The following CFAP20DC variants were observed in gnomAD, a reference collection of about 807,000 sequenced individuals.
CFAP20DC encodes the protein CFAP20 domain containing, also known as protein CFAP20DC.
In CFAP20DC, 84 loss-of-function variants were observed where a neutral mutation model predicts 101.7. That is an observed-to-expected ratio of 0.83 (90% CI 0.69 to 0.99). The LOEUF (loss-of-function observed/expected upper bound fraction) is 0.99. Among genes scored for constraint, CFAP20DC ranks in the 50% least tolerant of loss-of-function variants. The pLI, the probability that CFAP20DC is intolerant of heterozygous loss-of-function variation, is 0.00. For missense variants in CFAP20DC, 1,007 were observed against 970.3 expected, an observed-to-expected ratio of 1.04 and a Z score of -0.50; for synonymous variants, 359 against 351.2, an observed-to-expected ratio of 1.02 and a Z score of -0.25.
At chr3:58,817,018 C>A (rs542708124) in intron 14 of CFAP20DC, among the ~76,000 whole-genome samples, 1 of 152,282 alleles carries the variant, frequency 6.6e-6, no homozygotes, top group Admixed American at 6.5e-5. Context: ...AGGCACCCCC[C>A]AGCAGCAGCA....
intron 13 of CFAP20DC, among the ~76,000 whole-genome samples, chr3:58,841,220 G>C (rs1431624960): frequency 6.6e-6 from 1 of 152,198 alleles, no homozygotes; most frequent in Admixed American, 6.5e-5. Flanking sequence ...ATAATGCAAT[G>C]TTGTTGTAGC....
In CFAP20DC at chr3:58,863,220, A is replaced by G; in HGVS notation, c.1593+338T>C. The G allele has an allele frequency of 1.6e-6, 2 of 1,280,788 alleles. No homozygotes were observed. The highest frequency in any genetic ancestry group is 9.8e-7 in the Non-Finnish European group (1 of 1,017,386). 79.3% of individuals were successfully genotyped at this position (1,280,788 alleles called of 1,614,324 possible). ...CACAATTTCTCCAGAGATCTAGAAC[A>G]GTATATTCTCAGTGTTTTACTGGTC... On this transcript the variant is annotated intron_variant, in intron 12 of 16. Transcript: ENST00000482387. This position sits in a 1 kb window ranked among gnomAD's most constrained non-coding sequence, Gnocchi z 5.9.
At chr3:58,764,970 A>G (rs780655433) in intron 15 of CFAP20DC, among the ~76,000 whole-genome samples, 8 of 152,334 alleles carry the variant, frequency 5.3e-5, no homozygotes, top group South Asian at 2.1e-4. Context: ...AAAAATATTG[A>G]ACAGATGAAG....
At chr3:58,727,404 CA>C (rs1483562452) in intron 3 of CFAP20DC, 1 of 152,274 alleles carries the variant, frequency 6.6e-6, no homozygotes, top group Non-Finnish European at 1.5e-5. Context: ...TAATTCTGAT[CA>C]GCTTCATGTG....
At position 58,832,375 on chromosome 3, in the gene CFAP20DC, T is replaced by C. The variant is rs1164137231; in HGVS notation, c.1972-486A>G. ...TCTACAACGGCAAGCACCATGACTG[T>C]TTTGCTCTCACTGCCTTTCCTAGGT... On this transcript the variant is annotated intron_variant, in intron 13 of 16. Coordinates refer to ENST00000482387, the MANE Select transcript of CFAP20DC (RefSeq NM_001394063.1). 2.6e-5 allele frequency among the ~76,000 whole-genome samples: 4 copies of C among 152,188 alleles called. 1 individual carries two copies. Among genetic ancestry groups the C allele is most frequent in the Admixed American group, 2.0e-4 (3 of 15,272 alleles).
At chr3:58,930,810 C>G (rs2086541622) in intron 5 of CFAP20DC, among the ~76,000 whole-genome samples, 1 of 152,162 alleles carries the variant, frequency 6.6e-6, no homozygotes, top group African/African-American at 2.4e-5. Flanking sequence ...CGAATAGGAA[C>G]AGCTCCGGTC....
intron 4 of CFAP20DC, among the ~76,000 whole-genome samples, chr3:58,951,045 A>C (rs1183901759): frequency 6.6e-6 from 1 of 152,214 alleles, no homozygotes; most frequent in African/African-American, 2.4e-5. Context: ...ATCTACAATG[A>C]ACTCAAACAA....
At chr3:59,019,402 C>T (rs1265484270) in intron 4 of CFAP20DC, among the ~76,000 whole-genome samples, 1 of 151,832 alleles carries the variant, frequency 6.6e-6, no homozygotes, top group African/African-American at 2.4e-5. Flanking sequence ...CCCAAACATC[C>T]TCCCAAGTGA....
intron 5 of CFAP20DC, among the ~76,000 whole-genome samples, chr3:58,932,003 G>A (rs183446945): frequency 1.4e-3 from 207 of 152,236 alleles, no homozygotes; most frequent in African/African-American, 4.7e-3. Flanking sequence ...CAAACCAAAG[G>A]CAAAGAAGTT....
At chr3:58,755,643 G>C (rs1353066882) in intron 15 of CFAP20DC, among the ~76,000 whole-genome samples, 1 of 152,114 alleles carries the variant, frequency 6.6e-6, no homozygotes, top group Non-Finnish European at 1.5e-5. Context: ...TTCCTTTTCA[G>C]CACTAGCTAT....
chr3:58,927,541 A>G (rs557625528), intron 5 of CFAP20DC, among the ~76,000 whole-genome samples: 1 of 152,360 alleles, frequency 6.6e-6, no homozygotes, highest in African/African-American at 2.4e-5. Flanking sequence ...TGTGTGAGAT[A>G]AGGCAGGTTC....
At chr3:58,805,356 C>T (rs2073981174) in intron 15 of CFAP20DC, among the ~76,000 whole-genome samples, 1 of 152,174 alleles carries the variant, frequency 6.6e-6, no homozygotes, top group Admixed American at 6.5e-5. Flanking sequence ...CTTTCTAGTT[C>T]CTAGTTTCAG....
chr3:59,022,010 C>CT (rs929959166), intron 4 of CFAP20DC, among the ~76,000 whole-genome samples: 1 of 151,946 alleles, frequency 6.6e-6, no homozygotes. Flanking sequence ...CTTGCTAATC[C>CT]TGACCCAAGC....
rs570816848 is a variant in CFAP20DC at position 58,981,254 on chromosome 3, T to C, written c.279-43492A>G. The stretch of plus-strand genomic sequence containing the variant: ...ATTCCATGCTCATGGGTAGGAAGAA[T>C]CAATATCGTGAAAATGGCCATACTG... On this transcript the variant is annotated intron_variant, in intron 4 of 16. Coordinates refer to ENST00000482387, the MANE Select transcript of CFAP20DC (RefSeq NM_001394063.1). Among the ~76,000 whole-genome samples, 6 of 152,236 alleles carry C rather than the reference T, an allele frequency of 3.9e-5. No homozygotes were observed. In the East Asian group the frequency reaches 7.7e-4, roughly 20 times the overall value.
intron 15 of CFAP20DC, among the ~76,000 whole-genome samples, chr3:58,765,490 C>CAAAAAAAAAAAAA (rs1337049385): frequency 7.3e-5 from 6 of 81,828 alleles, no homozygotes; most frequent in Non-Finnish European, 1.0e-4. Context: ...AAAAAAAAAC[C>CAAAAAAAAAAAAA]AAAAAAAAAA....
chr3:59,001,180 T>C lies in CFAP20DC; in HGVS notation c.278+38377A>G, dbSNP rs1179856186. Reference sequence around the variant, plus strand: ...AAGAGACCTAAGAGATTTAAATCAATGGTAAAATAACACACATTGTAAATT... The same window carrying C: ...AAGAGACCTAAGAGATTTAAATCAACGGTAAAATAACACACATTGTAAATT... On this transcript the variant is annotated intron_variant, in intron 4 of 16. Coordinates refer to ENST00000482387, the MANE Select transcript of CFAP20DC (RefSeq NM_001394063.1). The surrounding 1 kb of genome is among the most constrained non-coding windows in gnomAD (Gnocchi z 4.5). 1.3e-5 allele frequency among the ~76,000 whole-genome samples: 2 copies of C among 152,172 alleles called. No individual in the cohort carries two copies. Among genetic ancestry groups the C allele is most frequent in the Admixed American group, 6.5e-5 (1 of 15,278 alleles).
In CFAP20DC at chr3:58,859,438, C is replaced by G. The variant is rs1300435666; in HGVS notation, c.1593+4120G>C. Among the ~76,000 whole-genome samples, 1 of 152,156 alleles carries G rather than the reference C, an allele frequency of 6.6e-6. No individual in the cohort carries two copies. The highest frequency in any genetic ancestry group is 2.4e-5 in the African/African-American group (1 of 41,446). On this transcript the variant is annotated intron_variant, in intron 12 of 16. Coordinates refer to ENST00000482387, the MANE Select transcript of CFAP20DC (RefSeq NM_001394063.1). The surrounding 1 kb of genome is among the most constrained non-coding windows in gnomAD (Gnocchi z 4.1). ...ATTTCTTGTGAAAACTATCTACAAG[C>G]AAATGCTTATCTGCAAGATGTCTAT...
intron 4 of CFAP20DC, among the ~76,000 whole-genome samples, chr3:58,981,788 T>G (rs1264914041): frequency 6.6e-6 from 1 of 152,144 alleles, no homozygotes; most frequent in African/African-American, 2.4e-5. Flanking sequence ...ATTCAGGACA[T>G]AGGCATGGGC....
Position 58,863,576 on chromosome 3 carries a change from G to T in CFAP20DC, c.1575C>A (p.Gly525=), listed in dbSNP as rs148755922. ...RDTQSEDDFY[G]GDSSEEGNHS... ...AGTGTACCTCTTCACTGCTGTCGCC[G>T]CCGTAAAAATCATCCTCTGATTGGG... is the stretch of plus-strand genomic sequence containing the variant. The change falls in exon 12 of 17, where the codon GGC becomes GGA. Residue 525 remains glycine (G), a synonymous_variant. Coordinates refer to ENST00000482387, the MANE Select transcript of CFAP20DC (RefSeq NM_001394063.1). The surrounding 1 kb of genome is among the most constrained non-coding windows in gnomAD (Gnocchi z 5.9). 6.2e-7 allele frequency: 1 copy of T among 1,613,814 alleles called. No homozygotes were observed. Among genetic ancestry groups the T allele is most frequent in the Non-Finnish European group, 8.5e-7 (1 of 1,180,010 alleles).
Sources: gnomAD v4.1 joint callset for allele counts (sites outside exome capture counted in the v4.1 genomes callset) on GRCh38, gnomAD v4.1.1 for gene constraint, Gnocchi (gnomAD v3.1) non-coding constraint, MANE v1.5 for transcripts, NCBI Gene and HGNC (gene_info 2026-07-23, HGNC 2026-07-21) for gene names.